Variants in PARD3 observed in about 807,000 individuals in gnomAD.
The protein encoded by PARD3 is par-3 family cell polarity regulator, also known as partitioning defective 3 homolog.
A neutral mutation model predicts 155.4 loss-of-function variants in PARD3; 75 were observed. The observed-to-expected ratio is 0.48, with a 90% CI of 0.40 to 0.58. PARD3 has a LOEUF of 0.58. Among genes scored for constraint, PARD3 ranks in the 20% least tolerant of loss-of-function variants. The pLI, the probability that PARD3 is intolerant of heterozygous loss-of-function variation, is 0.00. For synonymous variants in PARD3, 576 were observed against 610.5 expected, an observed-to-expected ratio of 0.94 and a Z score of 0.83; for missense variants, 1,642 against 1,721.7, an observed-to-expected ratio of 0.95 and a Z score of 0.82.
chr10:34,617,060 C>T (rs558861424), intron 2 of PARD3, among the ~76,000 whole-genome samples: 31 of 151,828 alleles, frequency 2.0e-4, no homozygotes, highest in Non-Finnish European at 4.0e-4. Flanking sequence ...TCAAAACCAG[C>T]CTGGCCAACA....
chr10:34,526,143 G>T (rs1379634029), intron 2 of PARD3, among the ~76,000 whole-genome samples: 2 of 140,016 alleles, frequency 1.4e-5, no homozygotes, highest in Non-Finnish European at 3.1e-5. Flanking sequence ...GTCTTAACGA[G>T]ATAAACCAAA....
At chr10:34,333,897 C>T (rs570377076) in intron 18 of PARD3, among the ~76,000 whole-genome samples, 13 of 151,892 alleles carry the variant, frequency 8.6e-5, no homozygotes, top group Admixed American at 2.6e-4. Flanking sequence ...GATTTCTCAG[C>T]GAAGTTATTA....
chr10:34,198,453 G>GGTGTGTGTGT (rs59976562), intron 22 of PARD3, among the ~76,000 whole-genome samples: 19 of 147,020 alleles, frequency 1.3e-4, no homozygotes, highest in Admixed American at 2.7e-4. Flanking sequence ...ATCACTAATT[G>GGTGTGTGTGT]GTGTGTGTGT....
At chr10:34,557,624 G>A (rs531254344) in intron 2 of PARD3, among the ~76,000 whole-genome samples, 48 of 152,058 alleles carry the variant, frequency 3.2e-4, no homozygotes, top group Non-Finnish European at 6.0e-4. Context: ...GATTACAGGC[G>A]TCCGCCACCA....
At chr10:34,390,478 C>T (rs1212474503) in intron 7 of PARD3, among the ~76,000 whole-genome samples, 1 of 152,154 alleles carries the variant, frequency 6.6e-6, no homozygotes, top group African/African-American at 2.4e-5. Flanking sequence ...TGCCAAGGAC[C>T]TTGCTAAATG....
At chr10:34,667,185 A>G (rs887315182) in intron 2 of PARD3, among the ~76,000 whole-genome samples, 7 of 152,212 alleles carry the variant, frequency 4.6e-5, no homozygotes, top group African/African-American at 1.7e-4. Context: ...TTATTGATAC[A>G]TAAGTTGAGA....
At chr10:34,385,702 C>T (rs1361536586) in intron 7 of PARD3, among the ~76,000 whole-genome samples, 4 of 152,142 alleles carry the variant, frequency 2.6e-5, no homozygotes, top group Admixed American at 6.5e-5. Flanking sequence ...ATAGCTGCTG[C>T]TTCTATACTT....
intron 19 of PARD3, among the ~76,000 whole-genome samples, chr10:34,326,428 C>CA (rs1835038587): frequency 6.6e-6 from 1 of 152,118 alleles, no homozygotes; most frequent in Admixed American, 6.5e-5. Context: ...GATCAACATC[C>CA]AATTATCCAC....
intron 19 of PARD3, among the ~76,000 whole-genome samples, chr10:34,328,461 C>G (rs964043868): frequency 6.6e-6 from 1 of 152,096 alleles, no homozygotes; most frequent in African/African-American, 2.4e-5. Flanking sequence ...AGAACTTTTA[C>G]AACTTTTTCC....
At chr10:34,607,498 G>A (rs1351240863) in intron 2 of PARD3, among the ~76,000 whole-genome samples, 2 of 151,856 alleles carry the variant, frequency 1.3e-5, no homozygotes, top group Non-Finnish European at 2.9e-5. Flanking sequence ...TAGAATGAAT[G>A]GATTTAAAAA....
chr10:34,272,396 G>T (rs1057298719), intron 21 of PARD3, among the ~76,000 whole-genome samples: 2 of 152,074 alleles, frequency 1.3e-5, no homozygotes, highest in South Asian at 2.1e-4. Flanking sequence ...AAAAATATTT[G>T]CAAGGCACGT....
intron 4 of PARD3, among the ~76,000 whole-genome samples, chr10:34,454,193 C>T (rs968386530): frequency 6.6e-6 from 1 of 152,036 alleles, no homozygotes; most frequent in Non-Finnish European, 1.5e-5. Flanking sequence ...TCCTCCCAGT[C>T]CTGAAGTCTG....
intron 2 of PARD3, among the ~76,000 whole-genome samples, chr10:34,596,159 G>A (rs774327927): frequency 2.0e-5 from 3 of 152,026 alleles, no homozygotes; most frequent in African/African-American, 4.8e-5. Context: ...CAGATCAGAT[G>A]AGATTCAGCA....
intron 21 of PARD3, among the ~76,000 whole-genome samples, chr10:34,279,301 G>A (rs1455180939): frequency 1.3e-5 from 2 of 151,844 alleles, no homozygotes; most frequent in African/African-American, 4.8e-5. Context: ...GATTACAGGT[G>A]TGAGCCAACA....
intron 4 of PARD3, among the ~76,000 whole-genome samples, chr10:34,460,812 G>A (rs2077602543): frequency 6.6e-6 from 1 of 151,648 alleles, no homozygotes; most frequent in Non-Finnish European, 1.5e-5. Flanking sequence ...CGGCCTGGGC[G>A]ACACAGCCAG....
chr10:34,257,752 TACAA>T (rs751082932), intron 22 of PARD3, among the ~76,000 whole-genome samples: 1 of 152,238 alleles, frequency 6.6e-6, no homozygotes, highest in Non-Finnish European at 1.5e-5. Context: ...ACATTACTTC[TACAA>T]ACAAATTGTG....
At chr10:34,632,912 G>A (rs894344972) in intron 2 of PARD3, among the ~76,000 whole-genome samples, 1 of 152,210 alleles carries the variant, frequency 6.6e-6, no homozygotes, top group African/African-American at 2.4e-5. Flanking sequence ...GCCACAGGTG[G>A]CTCGGGGAGG....
At chr10:34,677,470 A>G (rs1317091057) in intron 2 of PARD3, among the ~76,000 whole-genome samples, 1 of 150,376 alleles carries the variant, frequency 6.6e-6, no homozygotes, top group African/African-American at 2.4e-5. Flanking sequence ...ACAGATCTAG[A>G]CTCTGTCTCA....
chr10:34,575,004 C>T (rs1416186966), intron 2 of PARD3, among the ~76,000 whole-genome samples: 3 of 152,108 alleles, frequency 2.0e-5, no homozygotes, highest in Non-Finnish European at 4.4e-5. Context: ...CCTGCTCCCC[C>T]CTTAAAGAGA....
Sources: allele counts gnomAD v4.1 joint callset (sites outside exome capture counted in the v4.1 genomes callset), GRCh38; gene constraint gnomAD v4.1.1; transcripts MANE v1.5; gene names NCBI Gene and HGNC (gene_info 2026-07-23, HGNC 2026-07-21).